SAXO1: variants seen among roughly 807,000 people sequenced by gnomAD.
SAXO1 encodes 4930500O09Rik.
Under a neutral mutation model 17.5 loss-of-function variants are expected in SAXO1, and 21 were observed. That is an observed-to-expected ratio of 1.20 (90% CI 0.85 to 1.72). The LOEUF (loss-of-function observed/expected upper bound fraction) is 1.72. SAXO1 is among the 40% of genes most tolerant of loss of function. The pLI, the probability that SAXO1 is intolerant of heterozygous loss-of-function variation, is 0.00. For synonymous variants in SAXO1, 274 were observed against 216.5 expected (o/e 1.27, Z -2.33); for missense variants, 843 against 596.0 (o/e 1.41, Z -4.32).
intron 1 of SAXO1, among the ~76,000 whole-genome samples, chr9:19,003,581 A>G (rs1447227505): frequency 2.0e-5 from 3 of 152,250 alleles, no homozygotes; most frequent in African/African-American, 4.8e-5. Context: ...GGCCTCAGAA[A>G]TAACACTACA....
chr9:19,039,780 G>A, intron 1 of SAXO1, among the ~76,000 whole-genome samples: 1 of 152,172 alleles, frequency 6.6e-6, no homozygotes, highest in East Asian at 1.9e-4. Flanking sequence ...CCAGGCTGGA[G>A]TGTGATGGGG....
chr9:18,966,103 A>G (rs1474522738), intron 1 of SAXO1, among the ~76,000 whole-genome samples: 1 of 152,168 alleles, frequency 6.6e-6, no homozygotes, highest in Non-Finnish European at 1.5e-5. Flanking sequence ...GGGTTTCTGC[A>G]GAGATCTGCT....
intron 1 of SAXO1, among the ~76,000 whole-genome samples, chr9:18,966,663 G>C (rs948736226): frequency 1.3e-5 from 2 of 151,682 alleles, no homozygotes; most frequent in African/African-American, 4.9e-5. Flanking sequence ...AAGGTTCTTA[G>C]CTTCCTTGCA....
intron 1 of SAXO1, among the ~76,000 whole-genome samples, chr9:18,984,816 A>C (rs1179435475): frequency 6.6e-6 from 1 of 152,156 alleles, no homozygotes; most frequent in East Asian, 1.9e-4. Flanking sequence ...TCTTTCAAGA[A>C]CTTTTCCTTT....
intron 3 of SAXO1, among the ~76,000 whole-genome samples, chr9:18,937,141 G>A (rs1043458422): frequency 2.6e-5 from 4 of 152,184 alleles, no homozygotes; most frequent in African/African-American, 7.2e-5. Flanking sequence ...ACACAAACAT[G>A]TCACCCAAGG....
At chr9:19,036,823 C>A (rs193195617), upstream of SAXO1, among the ~76,000 whole-genome samples, 3 of 152,250 alleles carry the variant, frequency 2.0e-5, no homozygotes, top group Admixed American at 2.0e-4. Flanking sequence ...GAGAAGAGGG[C>A]CAGCATCCTC....
At chr9:18,978,754 C>G (rs911243074) in intron 1 of SAXO1, among the ~76,000 whole-genome samples, 3 of 152,200 alleles carry the variant, frequency 2.0e-5, no homozygotes, top group African/African-American at 7.2e-5. Flanking sequence ...ATATTATCAA[C>G]AGTTTGCAGA....
At position 19,033,029 on chromosome 9, in the gene SAXO1, T is replaced by C; in HGVS notation, c.-121A>G. On this transcript the variant is annotated 5_prime_UTR_variant, in exon 1 of 4. Coordinates refer to ENST00000380534, the MANE Select transcript of SAXO1 (RefSeq NM_153707.4). Reference sequence around the variant, plus strand: ...CGAGGGTCTTGGCAGGTGTTCTGTTTACTCGAAGGAAAATTTAAGTGGCCC... The same window carrying C: ...CGAGGGTCTTGGCAGGTGTTCTGTTCACTCGAAGGAAAATTTAAGTGGCCC... 4.8e-6 allele frequency: 5 copies of C among 1,050,228 alleles called. No individual in the cohort carries two copies. The highest frequency in any genetic ancestry group is 1.6e-5 in the African/African-American group (1 of 61,416). 65.1% of individuals were successfully genotyped at this position (1,050,228 alleles called of 1,614,324 possible).
chr9:19,029,365 G>C (rs964969672), intron 1 of SAXO1, among the ~76,000 whole-genome samples: 64 of 152,180 alleles, frequency 4.2e-4, no homozygotes, highest in African/African-American at 1.5e-3. Context: ...AGCCCAGAGA[G>C]AACCAGTGAC....
chr9:19,027,557 G>A, intron 1 of SAXO1: 1 of 1,234,846 alleles, frequency 8.1e-7, no homozygotes, highest in Non-Finnish European at 1.2e-6. Flanking sequence ...GGCCTGTAGG[G>A]CACAGACTAA....
intron 1 of SAXO1, among the ~76,000 whole-genome samples, chr9:18,986,658 G>A (rs796987799): frequency 6.6e-5 from 10 of 152,174 alleles, no homozygotes; most frequent in African/African-American, 2.4e-4. Context: ...TACAAAGACT[G>A]AAAGAAAAGT....
At chr9:19,007,134 G>A (rs968717168) in intron 1 of SAXO1, among the ~76,000 whole-genome samples, 1 of 151,988 alleles carries the variant, frequency 6.6e-6, no homozygotes, top group Non-Finnish European at 1.5e-5. Context: ...GGATCATGAG[G>A]TCAAGAGATC....
Position 18,990,128 on chromosome 9 carries a change from G to A in SAXO1, c.39-39191C>T, listed in dbSNP as rs112968993. On this transcript the variant is annotated intron_variant, in intron 1 of 3. Transcript: ENST00000380534. ...GCAGACTGAAGCTACATTTGATTTC[G>A]GTGCTGCCTACCCTGCGCACACCAA... 7.2e-3 allele frequency among the ~76,000 whole-genome samples: 1,093 copies of A among 151,658 alleles called. 11 individuals carry two copies. Among genetic ancestry groups the A allele is most frequent in the African/African-American group, 0.025 (1,046 of 41,338 alleles).
rs117748903 is a variant in SAXO1 at position 18,928,510 on chromosome 9, G to A, written c.967C>T (p.Arg323Ter). The change falls in exon 4 of 4, where the codon CGA becomes TGA. Residue 323 changes from arginine to a stop codon, truncating the protein, a stop_gained. Transcript: ENST00000380534. LOFTEE classifies it low-confidence loss of function (END_TRUNC). ...CPKGAPAQSCRPALQIKKCGR... is the reference protein window; with the variant it reads ...CPKGAPAQSC ...CACTTCTTAATCTGAAGTGCAGGTCGGCAGGACTGAGCTGGGGCACCCTTA... is the reference window on the plus strand; with the variant it reads ...CACTTCTTAATCTGAAGTGCAGGTCAGCAGGACTGAGCTGGGGCACCCTTA... The A allele has an allele frequency of 4.0e-4, 643 of 1,613,874 alleles. No homozygotes were observed. The East Asian group carries it at 7.2e-3, about 18-fold the overall frequency.
intron 1 of SAXO1, among the ~76,000 whole-genome samples, chr9:19,042,343 G>A (rs1388679502): frequency 6.6e-6 from 1 of 152,076 alleles, no homozygotes; most frequent in Admixed American, 6.6e-5. Flanking sequence ...CACTGTTGGT[G>A]GAAATGTAAA....
chr9:19,030,268 T>C (rs1835697348), intron 1 of SAXO1, among the ~76,000 whole-genome samples: 1 of 151,678 alleles, frequency 6.6e-6, no homozygotes, highest in African/African-American at 2.4e-5. Flanking sequence ...TGTAAGGGAA[T>C]CATGGGAGAA....
At chr9:18,970,004 G>C (rs1832886680) in intron 1 of SAXO1, among the ~76,000 whole-genome samples, 1 of 152,170 alleles carries the variant, frequency 6.6e-6, no homozygotes, top group Non-Finnish European at 1.5e-5. Flanking sequence ...TGATGTCTCA[G>C]ACTATAAGGA....
chr9:19,003,404 A>C (rs1181229858), intron 1 of SAXO1, among the ~76,000 whole-genome samples: 1 of 152,238 alleles, frequency 6.6e-6, no homozygotes, highest in African/African-American at 2.4e-5. Context: ...TTTAAAGCTC[A>C]TATGGAACCA....
chr9:18,932,170 A>C (rs1334400108), intron 3 of SAXO1, among the ~76,000 whole-genome samples: 1 of 152,250 alleles, frequency 6.6e-6, no homozygotes, highest in African/African-American at 2.4e-5. Flanking sequence ...ATTTTGAAAC[A>C]TTTATAGTTT....
Sources: gnomAD v4.1 joint callset for allele counts (sites outside exome capture counted in the v4.1 genomes callset) on GRCh38, gnomAD v4.1.1 for gene constraint, MANE v1.5 for transcripts, NCBI Gene and HGNC (gene_info 2026-07-23, HGNC 2026-07-21) for gene names.